ARHGEF33: variants seen among roughly 807,000 people sequenced by gnomAD.
ARHGEF33 encodes Rho guanine nucleotide exchange factor 33.
ARHGEF33 carries 72 observed loss-of-function variants against 101.9 expected under a neutral mutation model. The observed-to-expected ratio is 0.71, with a 90% CI of 0.58 to 0.86. The LOEUF (loss-of-function observed/expected upper bound fraction) is 0.86, where lower values mean the gene tolerates loss of function less well. ARHGEF33 is among the 40% of genes least tolerant of loss of function. The pLI is 0.00. For synonymous variants in ARHGEF33, 499 were observed against 442.5 expected, an observed-to-expected ratio of 1.13 and a Z score of -1.60; for missense variants, 1,169 against 1,111.3, an observed-to-expected ratio of 1.05 and a Z score of -0.74.
chr2:38,901,394 C>T (rs982215133), intron 2 of ARHGEF33, among the ~76,000 whole-genome samples: 2 of 152,190 alleles, frequency 1.3e-5, no homozygotes, highest in African/African-American at 4.8e-5. Flanking sequence ...GGCTCCCTTC[C>T]TACCCACTGC....
chr2:38,926,922 C>A (rs773061030), intron 4 of ARHGEF33, among the ~76,000 whole-genome samples: 60 of 152,116 alleles, frequency 3.9e-4, no homozygotes, highest in Middle Eastern at 6.8e-3. Flanking sequence ...TGTTATATAG[C>A]CATCAATTTT....
At position 38,973,733 on chromosome 2, in the gene ARHGEF33, A is replaced by G; in HGVS notation, c.2503A>G (p.Arg835Gly). 6.5e-7 allele frequency: 1 copy of G among 1,542,554 alleles called. No homozygotes were observed. Among genetic ancestry groups the G allele is most frequent in the Non-Finnish European group, 8.7e-7 (1 of 1,143,044 alleles). Residue 835 changes from arginine (R) to glycine (G), a missense_variant, in exon 18 of 18, where the codon AGG becomes GGG. Physicochemically the swap from Arg to Gly is moderately radical, Grantham distance 125. Coordinates refer to ENST00000409978, the MANE Select transcript of ARHGEF33 (RefSeq NM_001145451.5). ...TTTTAGGTCCAGTGGATCAGAATAC[A>G]GGGAAAAAACTAATGAGAATCCCTC... Reference protein sequence around the residue: ...FKKKSSGSEYREKTNENPSMD... With the variant: ...FKKKSSGSEYGEKTNENPSMD...
In ARHGEF33 at chr2:38,944,772, C is replaced by G. The variant is rs534521204; in HGVS notation, c.920+742C>G. On this transcript the variant is annotated intron_variant, in intron 10 of 17. Coordinates refer to ENST00000409978, the MANE Select transcript of ARHGEF33 (RefSeq NM_001145451.5). ...ACAAGAGAATGAATGTGTGGCAAAC[C>G]GAAGCACTCAGTGGCCATTAGAGAA... is the stretch of plus-strand genomic sequence containing the variant. 7.2e-5 allele frequency among the ~76,000 whole-genome samples: 11 copies of G among 152,066 alleles called. No homozygotes were observed. The South Asian group carries it at 2.3e-3, about 32-fold the overall frequency.
At chr2:38,912,920 A>G (rs540693042) in intron 2 of ARHGEF33, among the ~76,000 whole-genome samples, 3 of 152,354 alleles carry the variant, frequency 2.0e-5, no homozygotes, top group African/African-American at 7.2e-5. Flanking sequence ...ATGAGAAAAT[A>G]TAAATAAAAT....
chr2:38,960,691 A>G, intron 16 of ARHGEF33, 43 bp downstream of exon 16: 1 of 1,307,342 alleles, frequency 7.6e-7, no homozygotes, highest in Non-Finnish European at 9.9e-7. Flanking sequence ...CGACGGCCCC[A>G]GGCCTAGATC....
chr2:38,938,623 A>C (rs1308276118), intron 9 of ARHGEF33, among the ~76,000 whole-genome samples: 1 of 152,226 alleles, frequency 6.6e-6, no homozygotes, highest in Admixed American at 6.5e-5. Context: ...CAGAGCTTAC[A>C]TTTAAGCTAA....
At chr2:38,927,397 A>G (rs1666897828) in intron 4 of ARHGEF33, among the ~76,000 whole-genome samples, 1 of 152,188 alleles carries the variant, frequency 6.6e-6, no homozygotes, top group African/African-American at 2.4e-5. Context: ...TCATTCCTTT[A>G]AAGTAAAAAT....
chr2:38,942,164 C>CTTTTTT (rs35282727), intron 9 of ARHGEF33, among the ~76,000 whole-genome samples: 13 of 107,314 alleles, frequency 1.2e-4, no homozygotes, highest in Non-Finnish European at 1.4e-4. Flanking sequence ...TCTCTCCTTT[C>CTTTTTT]TTTTTTTTTT....
chr2:38,954,428 G>C lies in ARHGEF33; in HGVS notation c.1193G>C (p.Arg398Pro), dbSNP rs1371817681. 6.5e-7 allele frequency: 1 copy of C among 1,550,362 alleles called. No homozygotes were observed. The highest frequency in any genetic ancestry group is 8.7e-7 in the Non-Finnish European group (1 of 1,145,974). Residue 398 changes from arginine to proline, a missense_variant, in exon 13 of 18, where the codon CGC becomes CCC. Transcript: ENST00000409978. The stretch of plus-strand genomic sequence containing the variant: ...ACGTTGTTTTTTCACATAGTCCAGC[G>C]CATCCCTGAATATCTGATACATCTG... Reference protein sequence around the residue: ...IYTLFFHIVQRIPEYLIHLQN... With the variant: ...IYTLFFHIVQPIPEYLIHLQN...
intron 2 of ARHGEF33, among the ~76,000 whole-genome samples, chr2:38,913,973 C>T (rs986019): frequency 0.57 from 85,900 of 151,678 alleles, 25,435 homozygotes; most frequent in East Asian, 0.8. Flanking sequence ...AATTGACAGA[C>T]GAGCAAATCT....
intron 10 of ARHGEF33, 121 bp from the exon 11 acceptor site, chr2:38,950,868 C>T (rs567863841): frequency 2.5e-5 from 22 of 894,268 alleles, no homozygotes; most frequent in Non-Finnish European, 3.3e-5. Context: ...ATCCTTAATG[C>T]AGGCCTGTGA....
chr2:38,891,762 A>G (rs1475740330), intron 1 of ARHGEF33, among the ~76,000 whole-genome samples: 1 of 151,288 alleles, frequency 6.6e-6, no homozygotes, highest in Non-Finnish European at 1.5e-5. Context: ...TGTGAAACAC[A>G]GTTTAACCAA....
chr2:38,896,535 T>G (rs1351099389), intron 2 of ARHGEF33, among the ~76,000 whole-genome samples: 1 of 152,232 alleles, frequency 6.6e-6, no homozygotes, highest in Non-Finnish European at 1.5e-5. Context: ...TCTGAGTTCC[T>G]ACTTCATGCT....
chr2:38,909,695 A>G (rs1666467669), intron 2 of ARHGEF33, among the ~76,000 whole-genome samples: 1 of 129,916 alleles, frequency 7.7e-6, no homozygotes, highest in Non-Finnish European at 1.6e-5. Context: ...ATTGCTATGT[A>G]TTCAAGGATG....
At chr2:38,901,252 A>C (rs1454872190) in intron 2 of ARHGEF33, among the ~76,000 whole-genome samples, 2 of 152,198 alleles carry the variant, frequency 1.3e-5, no homozygotes, top group Non-Finnish European at 1.5e-5. Context: ...AATCCTGATA[A>C]ATCTAGTTTT....
intron 17 of ARHGEF33, among the ~76,000 whole-genome samples, chr2:38,967,958 TTTTTTTA>T (rs980644715): frequency 6.9e-6 from 1 of 145,828 alleles, no homozygotes; most frequent in African/African-American, 2.7e-5. Flanking sequence ...TTTTTTTTTT[TTTTTTTA>T]AACCACAGTA....
intron 14 of ARHGEF33, 26 bp from the exon 15 acceptor site, chr2:38,958,008 G>A: frequency 1.3e-6 from 2 of 1,551,956 alleles, no homozygotes; most frequent in Non-Finnish European, 1.7e-6. Flanking sequence ...TGTACAACCT[G>A]AGAACTGTTA....
In ARHGEF33 at chr2:38,903,223, A is replaced by G. The variant is rs140461485; in HGVS notation, c.-86+7374A>G. On this transcript the variant is annotated intron_variant, in intron 2 of 17. Coordinates refer to ENST00000409978, the MANE Select transcript of ARHGEF33 (RefSeq NM_001145451.5). ...TTATTTATTTAATTTTTACCAATGG[A>G]CAATTAATAGTACATTAAAAAAAAC... Among the ~76,000 whole-genome samples, 450 of 152,242 alleles carry G rather than the reference A, an allele frequency of 3.0e-3. 4 individuals are homozygous for G. Among genetic ancestry groups the G allele is most frequent in the Middle Eastern group, 0.01 (3 of 294 alleles).
At chr2:38,892,011 A>T (rs1666015890) in intron 1 of ARHGEF33, among the ~76,000 whole-genome samples, 1 of 152,222 alleles carries the variant, frequency 6.6e-6, no homozygotes. Flanking sequence ...TCATGCCTTT[A>T]CTGACAAAAA....
Sources: allele counts gnomAD v4.1 joint callset (sites outside exome capture counted in the v4.1 genomes callset), GRCh38; gene constraint gnomAD v4.1.1; transcripts MANE v1.5; gene names NCBI Gene and HGNC (gene_info 2026-07-23, HGNC 2026-07-21).